FILIP1L: variants seen among roughly 807,000 people sequenced by gnomAD.
FILIP1L encodes the protein filamin A-interacting protein 1-like.
FILIP1L carries 55 observed loss-of-function variants against 96.6 expected under a neutral mutation model. That is an observed-to-expected ratio of 0.57 (90% CI 0.46 to 0.71). FILIP1L has a LOEUF of 0.71. FILIP1L is among the 30% of genes least tolerant of loss of function. The probability of loss-of-function intolerance (pLI) is 0.00; values close to 1 mark genes in which losing one functional copy is unlikely to be tolerated. For missense variants in FILIP1L, 1,304 were observed against 1,321.2 expected, an observed-to-expected ratio of 0.99 and a Z score of 0.20; for synonymous variants, 467 against 473.9, an observed-to-expected ratio of 0.99 and a Z score of 0.19.
intron 1 of FILIP1L, among the ~76,000 whole-genome samples, chr3:100,070,851 G>A (rs775260618): frequency 2.6e-5 from 4 of 152,196 alleles, no homozygotes; most frequent in East Asian, 3.9e-4. Flanking sequence ...GGATATTCAC[G>A]AACTCCTGAC....
intron 1 of FILIP1L, among the ~76,000 whole-genome samples, chr3:100,000,971 A>T (rs1395951051): frequency 6.6e-6 from 1 of 152,240 alleles, no homozygotes; most frequent in African/African-American, 2.4e-5. Flanking sequence ...TATGTTTTCT[A>T]TAAGATAACC....
chr3:100,062,093 C>CTTCT (rs2065577734), intron 1 of FILIP1L, among the ~76,000 whole-genome samples: 1 of 53,154 alleles, frequency 1.9e-5, no homozygotes, highest in Non-Finnish European at 3.4e-5. Flanking sequence ...CTGTCTTCTT[C>CTTCT]TTTTTTTTTT....
chr3:100,094,674 CTTTTTTTTTTTT>C (rs71132509), intron 1 of FILIP1L, among the ~76,000 whole-genome samples: 1 of 57,000 alleles, frequency 1.8e-5, no homozygotes, highest in African/African-American at 6.7e-5. Context: ...GAAAAGCTGC[CTTTTTTTTTTTT>C]TTTTTTTTTT....
chr3:100,113,553 G>A (rs1276390727), intron 1 of FILIP1L, among the ~76,000 whole-genome samples: 2 of 152,156 alleles, frequency 1.3e-5, no homozygotes, highest in Admixed American at 1.3e-4. Flanking sequence ...GTTGCCATTT[G>A]AAAATGTTAG....
rs774173611 is a variant in FILIP1L, at chr3:99,849,690, C to A, written c.1986G>T (p.Arg662Ser). Residue 662 changes from arginine (R) to serine (S), a missense_variant, in exon 5 of 6, where the codon AGG becomes AGT. Arg to Ser is a moderately radical substitution (Grantham distance 110). Coordinates refer to ENST00000477258, the MANE Select transcript of FILIP1L (RefSeq NM_001387850.1). ...GAGCTTTGTCTCGTTCATTAGCATA[C>A]CTTCGTTCTAGAGTCTCATATTCAT... ...TEDEYETLER[R>S]YANERDKAQF... is the part of the protein sequence containing the mutation. 8 of 1,613,546 alleles carry A rather than the reference C, an allele frequency of 5.0e-6. No individual in the cohort carries two copies. In the Admixed American group the frequency reaches 1.3e-4, roughly 27 times the overall value.
At chr3:99,947,391 G>A (rs1366547231) in intron 1 of FILIP1L, among the ~76,000 whole-genome samples, 6 of 152,092 alleles carry the variant, frequency 3.9e-5, no homozygotes, top group Non-Finnish European at 8.8e-5. Context: ...ATTGTATGGA[G>A]GTGCCATTAT....
intron 1 of FILIP1L, among the ~76,000 whole-genome samples, chr3:99,960,634 T>C (rs1368580546): frequency 6.6e-6 from 1 of 152,172 alleles, no homozygotes; most frequent in East Asian, 1.9e-4. Flanking sequence ...AATCATTAGA[T>C]TGACATCTCA....
rs1198709302 is a variant in FILIP1L, at chr3:99,924,366, T to C, written c.469A>G (p.Ile157Val). Reference protein sequence around the residue: ...VEKHKESYRRILGQLLVAEKS... With the variant: ...VEKHKESYRRVLGQLLVAEKS... ...TCTGCCACTAAAAGCTGTCCCAGGA[T>C]TCGTCTGTAAGATTCTTTATGTTTT... The change falls in exon 4 of 6, where the codon ATC becomes GTC. Residue 157 changes from isoleucine (I) to valine (V), a missense_variant. By Grantham distance (29) the Ile-to-Val change is conservative (BLOSUM62 3). Coordinates refer to ENST00000477258, the MANE Select transcript of FILIP1L (RefSeq NM_001387850.1). 1.2e-6 allele frequency: 2 copies of C among 1,614,084 alleles called. No individual in the cohort carries two copies.
chr3:99,892,703 C>G (rs138616159), intron 4 of FILIP1L, among the ~76,000 whole-genome samples: 92 of 152,296 alleles, frequency 6.0e-4, no homozygotes, highest in African/African-American at 2.0e-3. Flanking sequence ...TCCCATAACT[C>G]TCCCCCAATT....
chr3:99,918,295 A>C (rs1237414276), intron 4 of FILIP1L, among the ~76,000 whole-genome samples: 1 of 152,128 alleles, frequency 6.6e-6, no homozygotes, highest in Non-Finnish European at 1.5e-5. Context: ...ATATACCAGA[A>C]AACTAAAGAT....
At chr3:99,989,922 C>T (rs150479698) in intron 1 of FILIP1L, among the ~76,000 whole-genome samples, 49 of 152,072 alleles carry the variant, frequency 3.2e-4, no homozygotes, top group African/African-American at 1.1e-3. Context: ...TCCTTAGTTC[C>T]AAGACACCTG....
At chr3:100,103,323 G>A (rs1333639563) in intron 1 of FILIP1L, among the ~76,000 whole-genome samples, 1 of 152,218 alleles carries the variant, frequency 6.6e-6, no homozygotes, top group Non-Finnish European at 1.5e-5. Flanking sequence ...GAAGTCTTGA[G>A]CACAGCAGGA....
At chr3:100,068,563 A>G (rs2065706697) in intron 1 of FILIP1L, among the ~76,000 whole-genome samples, 1 of 152,260 alleles carries the variant, frequency 6.6e-6, no homozygotes, top group South Asian at 2.1e-4. Flanking sequence ...CAAGTTTCAT[A>G]TAATACATAG....
chr3:99,884,058 T>C (rs17779605), intron 4 of FILIP1L, among the ~76,000 whole-genome samples: 1,713 of 152,284 alleles, frequency 0.011, 18 homozygotes, highest in African/African-American at 0.025. Flanking sequence ...AACTATGGGC[T>C]AGGAGAGTGA....
chr3:100,007,593 C>T (rs1710024038), intron 1 of FILIP1L, among the ~76,000 whole-genome samples: 1 of 152,126 alleles, frequency 6.6e-6, no homozygotes, highest in South Asian at 2.1e-4. Flanking sequence ...GACTGAGGCA[C>T]AGAGAGGCCC....
At position 99,953,192 on chromosome 3, in the gene FILIP1L, CCT is replaced by C. The variant is rs768932996; in HGVS notation, c.-10-22164_-10-22163del. Among the ~76,000 whole-genome samples the C allele has an allele frequency of 1.4e-4, 21 of 152,176 alleles. No homozygotes were observed. In the East Asian group the frequency reaches 4.1e-3, roughly 29 times the overall value. ...TCTTTTTGTATTTCATTTTCTACTT[CCT>C]CTGTGTTGTCAACAATCATTTATTT... On this transcript the variant is annotated intron_variant, in intron 1 of 5. Transcript: ENST00000477258.
At chr3:99,893,842 C>T (rs1026689656) in intron 4 of FILIP1L, among the ~76,000 whole-genome samples, 1 of 152,162 alleles carries the variant, frequency 6.6e-6, no homozygotes, top group East Asian at 1.9e-4. Context: ...GGTTTTACTT[C>T]CCTCCACCCC....
intron 1 of FILIP1L, among the ~76,000 whole-genome samples, chr3:99,977,470 A>T (rs942495031): frequency 1.3e-5 from 2 of 152,138 alleles, no homozygotes; most frequent in Non-Finnish European, 2.9e-5. Flanking sequence ...AGTTGGATAG[A>T]GTAGCTATGA....
At chr3:99,973,783 A>T (rs1708890929) in intron 1 of FILIP1L, among the ~76,000 whole-genome samples, 1 of 152,208 alleles carries the variant, frequency 6.6e-6, no homozygotes, top group African/African-American at 2.4e-5. Flanking sequence ...AGAGATTGGG[A>T]TGCAGGTATC....
Sources: gnomAD v4.1 joint callset for allele counts (sites outside exome capture counted in the v4.1 genomes callset) on GRCh38, gnomAD v4.1.1 for gene constraint, MANE v1.5 for transcripts, NCBI Gene and HGNC (gene_info 2026-07-23, HGNC 2026-07-21) for gene names.